The following DYM variants were observed in gnomAD, a reference collection of about 807,000 sequenced individuals.
DYM encodes dymeclin.
Under a neutral mutation model 93.1 loss-of-function variants are expected in DYM, and 78 were observed. That is an observed-to-expected ratio of 0.84 (90% confidence interval 0.70 to 1.01). DYM has a LOEUF of 1.01. Ranked by LOEUF, DYM falls within the 50% of genes least tolerant of loss-of-function variation. The probability of loss-of-function intolerance (pLI) is 0.00; values close to 1 mark genes in which losing one functional copy is unlikely to be tolerated. For missense variants in DYM, 789 were observed against 845.0 expected, an observed-to-expected ratio of 0.93 and a Z score of 0.82; for synonymous variants, 321 against 319.7, an observed-to-expected ratio of 1.00 and a Z score of -0.04.
chr18:49,282,797 T>A (rs2095023528), intron 9 of DYM, among the ~76,000 whole-genome samples: 1 of 152,108 alleles, frequency 6.6e-6, no homozygotes, highest in Non-Finnish European at 1.5e-5. Flanking sequence ...GACGTTGAGA[T>A]AAAATACTTT....
At chr18:49,389,447 T>C (rs562940262) in intron 3 of DYM, among the ~76,000 whole-genome samples, 1 of 152,264 alleles carries the variant, frequency 6.6e-6, no homozygotes, top group East Asian at 1.9e-4. Context: ...TACTACCTCA[T>C]TTACATTTTA....
At chr18:49,428,196 A>AG (rs148093845) in intron 2 of DYM, among the ~76,000 whole-genome samples, 12,163 of 151,592 alleles carry the variant, frequency 0.08, 762 homozygotes, top group East Asian at 0.31. Flanking sequence ...AGTGGCTCAC[A>AG]CTTGTAATCC....
intron 15 of DYM, among the ~76,000 whole-genome samples, chr18:49,124,128 A>G (rs2082616706): frequency 1.3e-5 from 2 of 152,180 alleles, no homozygotes; most frequent in African/African-American, 4.8e-5. Flanking sequence ...GATACACCCA[A>G]CTCCTAACTA....
At chr18:49,266,469 G>C (rs930650612) in intron 11 of DYM, among the ~76,000 whole-genome samples, 41 of 152,044 alleles carry the variant, frequency 2.7e-4, no homozygotes, top group African/African-American at 9.2e-4. Context: ...AAATTAGCTG[G>C]GCATGGTGGC....
At chr18:49,233,031 G>C (rs2093753988) in intron 13 of DYM, among the ~76,000 whole-genome samples, 1 of 152,172 alleles carries the variant, frequency 6.6e-6, no homozygotes, top group Admixed American at 6.5e-5. Context: ...GTTACAAACT[G>C]TGGGGGTGTC....
chr18:49,175,603 G>A (rs75196960), intron 14 of DYM, among the ~76,000 whole-genome samples: 2,104 of 152,242 alleles, frequency 0.014, 18 homozygotes, highest in Middle Eastern at 0.037. Flanking sequence ...TGGAATAAAA[G>A]GTGGAGAACA....
chr18:49,449,134 C>G (rs550468728), intron 1 of DYM, among the ~76,000 whole-genome samples: 1 of 152,192 alleles, frequency 6.6e-6, no homozygotes, highest in African/African-American at 2.4e-5. Context: ...GGTTCAAGTT[C>G]CCTCCTCTTT....
chr18:49,239,703 A>C (rs1037976885), intron 13 of DYM, among the ~76,000 whole-genome samples: 2 of 152,228 alleles, frequency 1.3e-5, no homozygotes, highest in African/African-American at 4.8e-5. Context: ...GCTAGCATCA[A>C]CTGCCAGCCT....
In DYM at chr18:49,163,578, A is replaced by G. The variant is rs531659031; in HGVS notation, c.1728+107T>C. 1.6e-4 allele frequency: 119 copies of G among 728,490 alleles called. No homozygotes were observed. In the African/African-American group the frequency reaches 2.0e-3, roughly 12 times the overall value. 45.1% of individuals were successfully genotyped at this position (728,490 alleles called of 1,614,324 possible). A position where few individuals can be genotyped will look rare whatever the true frequency, so the allele number is the denominator to read the frequency against. ...CCAGGCTGGTCTTGAACTCCCGACC[A>G]AGTGATCCATCTGCCTCGGCCTCCC... On this transcript the variant is annotated intron_variant, in intron 15 of 17. Coordinates refer to ENST00000675505, the MANE Select transcript of DYM (RefSeq NM_001353214.3).
rs1397770081 is a variant in DYM at position 49,289,772 on chromosome 18, T to TAC, written c.764-3158_764-3157dup. Among the ~76,000 whole-genome samples the TAC allele has an allele frequency of 9.1e-3, 331 of 36,554 alleles. 6 individuals carry two copies. The highest frequency in any genetic ancestry group is 0.046 in the East Asian group (70 of 1,532). 24.0% of individuals were successfully genotyped at this position (36,554 alleles called of 152,430 possible). ...ATATATATATATATATATATATATATACACATATATATATATACACACATA... is the reference window on the plus strand; with the variant it reads ...ATATATATATATATATATATATATATACACACATATATATATATACACACATA... On this transcript the variant is annotated intron_variant, in intron 8 of 17. Coordinates refer to ENST00000675505, the MANE Select transcript of DYM (RefSeq NM_001353214.3).
At chr18:49,389,887 T>A (rs2069028825) in intron 3 of DYM, among the ~76,000 whole-genome samples, 1 of 152,206 alleles carries the variant, frequency 6.6e-6, no homozygotes, top group Non-Finnish European at 1.5e-5. Context: ...GTTATATTTT[T>A]GTTTTTTCAT....
chr18:49,285,324 C>T lies in DYM; in HGVS notation c.946+1110G>A, dbSNP rs186896015. On this transcript the variant is annotated intron_variant, in intron 9 of 17. Transcript: ENST00000675505. ...ATAACCCGGAAGAATCATGGCACAG[C>T]CCATCAGAAGGCTTACAAATGCTCC... Among the ~76,000 whole-genome samples the T allele has an allele frequency of 8.5e-5, 13 of 152,264 alleles. No individual in the cohort carries two copies. In the East Asian group the frequency reaches 1.2e-3, roughly 14 times the overall value.
intron 13 of DYM, among the ~76,000 whole-genome samples, chr18:49,250,448 G>T (rs551523793): frequency 6.6e-6 from 1 of 152,198 alleles, no homozygotes; most frequent in African/African-American, 2.4e-5. Context: ...TCCTTTCCTG[G>T]GTCTTTCCTT....
intron 8 of DYM, chr18:49,329,566 GC>G (rs1203775302): frequency 6.6e-6 from 1 of 152,186 alleles, no homozygotes; most frequent in Non-Finnish European, 1.5e-5. Context: ...ACTGCAGAAG[GC>G]CTTGCCTGAC....
intron 1 of DYM, among the ~76,000 whole-genome samples, chr18:49,430,761 C>G (rs1053985135): frequency 1.3e-5 from 2 of 151,758 alleles, no homozygotes; most frequent in African/African-American, 4.8e-5. Flanking sequence ...GGCACGCACC[C>G]GTAGTCCCAG....
At chr18:49,356,850 A>G (rs986407950) in intron 6 of DYM, among the ~76,000 whole-genome samples, 3 of 152,232 alleles carry the variant, frequency 2.0e-5, no homozygotes, top group African/African-American at 7.2e-5. Flanking sequence ...AAATGCTATA[A>G]GCTGAATTTT....
chr18:49,301,643 G>A (rs926571617), intron 8 of DYM, among the ~76,000 whole-genome samples: 1 of 151,882 alleles, frequency 6.6e-6, no homozygotes, highest in African/African-American at 2.4e-5. Context: ...TTATGAAATT[G>A]AAAAACTATC....
At chr18:49,237,117 AC>A (rs2093890460) in intron 13 of DYM, among the ~76,000 whole-genome samples, 1 of 152,126 alleles carries the variant, frequency 6.6e-6, no homozygotes, top group Non-Finnish European at 1.5e-5. Context: ...TGGGACAAGT[AC>A]TAAAGGACTG....
chr18:49,348,864 G>A (rs553944879), intron 6 of DYM, among the ~76,000 whole-genome samples: 1 of 146,992 alleles, frequency 6.8e-6, no homozygotes, highest in Non-Finnish European at 1.5e-5. Context: ...AGCCATGATC[G>A]CGCCATTGCA....
Sources: allele counts gnomAD v4.1 joint callset (sites outside exome capture counted in the v4.1 genomes callset), GRCh38; gene constraint gnomAD v4.1.1; transcripts MANE v1.5; gene names NCBI Gene and HGNC (gene_info 2026-07-23, HGNC 2026-07-21).